FMNL2: variants seen among roughly 807,000 people sequenced by gnomAD.
The protein encoded by FMNL2 is formin-like protein 2.
FMNL2 carries 51 observed loss-of-function variants against 130.2 expected under a neutral mutation model. That is an observed-to-expected ratio of 0.39 (90% CI 0.31 to 0.49). FMNL2 has a LOEUF of 0.49. Ranked by LOEUF, FMNL2 falls within the 20% of genes least tolerant of loss-of-function variation. FMNL2 has a pLI of 0.85. For missense variants in FMNL2, 977 were observed against 1,316.2 expected (o/e 0.74, Z 3.99); for synonymous variants, 465 against 467.1 (o/e 1.00, Z 0.06).
rs530108365 is a variant in FMNL2 at position 152,566,546 on chromosome 2, C to T, written c.596+5511C>T. Among the ~76,000 whole-genome samples the T allele has an allele frequency of 3.9e-5, 6 of 152,266 alleles. No individual in the cohort carries two copies. In the South Asian group the frequency reaches 1.2e-3, roughly 32 times the overall value. On this transcript the variant is annotated intron_variant, in intron 6 of 25. Transcript: ENST00000288670. ...GGATTGGAAAAAACACTGAAGAGGC[C>T]TCAGCAAATTCTTGTAGCTGTGGTC...
At chr2:152,625,697 T>C in intron 16 of FMNL2, 135 bp downstream of exon 16, 2 of 1,033,612 alleles carry the variant, frequency 1.9e-6, no homozygotes, top group Non-Finnish European at 2.7e-6. Context: ...GAAACATGTA[T>C]GTAATATTGG....
chr2:152,591,482 G>A (rs1005334558), intron 9 of FMNL2, among the ~76,000 whole-genome samples: 12 of 152,224 alleles, frequency 7.9e-5, no homozygotes, highest in African/African-American at 7.2e-5. Context: ...CAGTGACCCC[G>A]TTACAGGGTT....
intron 1 of FMNL2, among the ~76,000 whole-genome samples, chr2:152,455,612 AC>A (rs1268077394): frequency 6.6e-6 from 1 of 152,236 alleles, no homozygotes. Context: ...TGAATACAAC[AC>A]AGTTCTTCAT....
At chr2:152,335,954 C>G (rs1681396146) in intron 1 of FMNL2, among the ~76,000 whole-genome samples, 1 of 151,884 alleles carries the variant, frequency 6.6e-6, no homozygotes, top group Admixed American at 6.5e-5. Context: ...GCCGGCTGCC[C>G]AACCAGCCTC....
At position 152,618,141 on chromosome 2, in the gene FMNL2, C is replaced by T. The variant is rs547710591; in HGVS notation, c.1315-705C>T. On this transcript the variant is annotated intron_variant, in intron 13 of 25. Coordinates refer to ENST00000288670, the MANE Select transcript of FMNL2 (RefSeq NM_052905.4). Reference sequence around the variant, plus strand: ...CCTTTCACTAGAACCTCTATGGGCCCCCCCCTTATAAAAGGAACCAGGACA... The same window carrying T: ...CCTTTCACTAGAACCTCTATGGGCCTCCCCCTTATAAAAGGAACCAGGACA... Among the ~76,000 whole-genome samples the T allele has an allele frequency of 1.6e-3, 239 of 152,256 alleles. 2 individuals are homozygous for T. The highest frequency in any genetic ancestry group is 5.6e-3 in the African/African-American group (232 of 41,550).
intron 1 of FMNL2, among the ~76,000 whole-genome samples, chr2:152,371,668 CAAAAAAAAAAA>C (rs71394476): frequency 1.5e-5 from 1 of 66,232 alleles, no homozygotes; most frequent in Non-Finnish European, 3.0e-5. Flanking sequence ...GACTCTGTCT[CAAAAAAAAAAA>C]AAAAAAAAAA....
chr2:152,432,042 T>C (rs1351837251), intron 1 of FMNL2, among the ~76,000 whole-genome samples: 1 of 150,302 alleles, frequency 6.7e-6, no homozygotes, highest in Admixed American at 6.7e-5. Context: ...AAATATTTTA[T>C]TCCTCTCTCT....
chr2:152,344,496 C>G (rs981385487), intron 1 of FMNL2, among the ~76,000 whole-genome samples: 1 of 152,052 alleles, frequency 6.6e-6, no homozygotes, highest in Non-Finnish European at 1.5e-5. Flanking sequence ...ATATTTGATT[C>G]AACTAAAAGC....
intron 1 of FMNL2, among the ~76,000 whole-genome samples, chr2:152,364,602 A>G (rs1683405931): frequency 6.6e-6 from 1 of 152,182 alleles, no homozygotes; most frequent in Admixed American, 6.5e-5. Context: ...ACATTAATCT[A>G]TTTAGATATG....
At chr2:152,506,043 A>G (rs1442510325) in intron 1 of FMNL2, among the ~76,000 whole-genome samples, 2 of 152,206 alleles carry the variant, frequency 1.3e-5, no homozygotes, top group Admixed American at 6.5e-5. Flanking sequence ...TTACATGTGA[A>G]AAAAACTTAC....
rs1359520298 is a variant in FMNL2 at position 152,647,928 on chromosome 2, T to C, written c.*23T>C. ...TGAACCTGAGACTGGCCTGCATGAA[T>C]ACAGGGTGTGCGTGAATGAAACTGC... On this transcript the variant is annotated 3_prime_UTR_variant, in exon 26 of 26. Transcript: ENST00000288670. 6.3e-7 allele frequency: 1 copy of C among 1,587,946 alleles called. No individual in the cohort carries two copies. Among genetic ancestry groups the C allele is most frequent in the Non-Finnish European group, 8.6e-7 (1 of 1,162,448 alleles).
At chr2:152,605,746 A>G (rs1698326934) in intron 9 of FMNL2, among the ~76,000 whole-genome samples, 1 of 152,234 alleles carries the variant, frequency 6.6e-6, no homozygotes, top group African/African-American at 2.4e-5. Flanking sequence ...AAAATGCAGT[A>G]AATGGTGGTC....
At chr2:152,373,864 T>G (rs768295338) in intron 1 of FMNL2, among the ~76,000 whole-genome samples, 3 of 152,156 alleles carry the variant, frequency 2.0e-5, no homozygotes, top group Non-Finnish European at 4.4e-5. Flanking sequence ...GAAGCATAAT[T>G]TATTACTATT....
intron 23 of FMNL2, 123 bp from the exon 24 acceptor site, chr2:152,639,835 T>TTGGTGA: frequency 1.3e-6 from 1 of 794,872 alleles, no homozygotes; most frequent in East Asian, 2.8e-5. Flanking sequence ...AGTGTAGATC[T>TTGGTGA]TCTCAACCTT....
chr2:152,408,440 A>G (rs1454308882), intron 1 of FMNL2, among the ~76,000 whole-genome samples: 3 of 152,072 alleles, frequency 2.0e-5, no homozygotes, highest in African/African-American at 7.2e-5. Flanking sequence ...GGGGCTTCAT[A>G]TTTGCTGGCA....
At chr2:152,441,547 G>A (rs998803034) in intron 1 of FMNL2, among the ~76,000 whole-genome samples, 4 of 150,342 alleles carry the variant, frequency 2.7e-5, no homozygotes, top group Non-Finnish European at 5.9e-5. Flanking sequence ...TAAAAATGGG[G>A]GACAGGAGGC....
At chr2:152,407,934 C>A (rs1191914552) in intron 1 of FMNL2, among the ~76,000 whole-genome samples, 1 of 152,190 alleles carries the variant, frequency 6.6e-6, no homozygotes, top group Non-Finnish European at 1.5e-5. Context: ...AGGTATCCAG[C>A]ATTTTGTGCA....
intron 15 of FMNL2, chr2:152,622,671 G>A (rs530645292): frequency 2.2e-6 from 1 of 452,506 alleles, no homozygotes; most frequent in South Asian, 1.6e-5. Context: ...TTTTGACTTT[G>A]TGTCTGCGGG....
intron 1 of FMNL2, among the ~76,000 whole-genome samples, chr2:152,495,345 G>C (rs1024613900): frequency 6.6e-6 from 1 of 152,032 alleles, no homozygotes; most frequent in Non-Finnish European, 1.5e-5. Flanking sequence ...AGAATGTAAA[G>C]ATAGATTAAG....
Sources: gnomAD v4.1 joint callset for allele counts (sites outside exome capture counted in the v4.1 genomes callset) on GRCh38, gnomAD v4.1.1 for gene constraint, MANE v1.5 for transcripts, NCBI Gene and HGNC (gene_info 2026-07-23, HGNC 2026-07-21) for gene names.